Variants in SLC30A8 observed in about 807,000 individuals in gnomAD.
The protein encoded by SLC30A8 is solute carrier family 30 member 8.
Under a neutral mutation model 36.9 loss-of-function variants are expected in SLC30A8, and 27 were observed. That is an observed-to-expected ratio of 0.73 (90% CI 0.54 to 1.01). The LOEUF (loss-of-function observed/expected upper bound fraction) is 1.01, where lower values mean the gene tolerates loss of function less well. Ranked by LOEUF, SLC30A8 falls within the 50% of genes least tolerant of loss-of-function variation. The probability of loss-of-function intolerance (pLI) is 0.00; values close to 1 mark genes in which losing one functional copy is unlikely to be tolerated. For missense variants in SLC30A8, 439 were observed against 452.0 expected (o/e 0.97, Z 0.26); for synonymous variants, 164 against 172.4 (o/e 0.95, Z 0.38).
chr8:117,152,551 A>C (rs1400852346), intron 2 of SLC30A8, among the ~76,000 whole-genome samples: 1 of 152,194 alleles, frequency 6.6e-6, no homozygotes, highest in Non-Finnish European at 1.5e-5. Flanking sequence ...CGCAACATCT[A>C]GTTTATAAAC....
rs28374146 is a variant in SLC30A8, at chr8:117,014,558, G to A, written c.-265-24661G>A. Among the ~76,000 whole-genome samples the A allele has an allele frequency of 6.0e-3, 918 of 152,194 alleles. 10 individuals are homozygous for A. The highest frequency in any genetic ancestry group is 0.021 in the African/African-American group (880 of 41,522). ...AGGATGGTCTTTTTAGGTCCCTTTT[G>A]GACTTAAGGTAAATCAAGTGTGTGA... is the stretch of plus-strand genomic sequence containing the variant. On this transcript the variant is annotated intron_variant, in intron 1 of 10. Coordinates refer to the SLC30A8 transcript ENST00000427715.
intron 1 of SLC30A8, among the ~76,000 whole-genome samples, chr8:117,018,740 C>T (rs1394231408): frequency 1.4e-5 from 2 of 138,232 alleles, no homozygotes; most frequent in Non-Finnish European, 3.1e-5. Context: ...AATGTTGGCT[C>T]ACTGCAACCT....
intron 1 of SLC30A8, among the ~76,000 whole-genome samples, chr8:117,029,198 G>A (rs1444773975): frequency 6.6e-6 from 1 of 152,080 alleles, no homozygotes; most frequent in Non-Finnish European, 1.5e-5. Flanking sequence ...TCATTCACAG[G>A]TAGTATCAGT....
intron 2 of SLC30A8, among the ~76,000 whole-genome samples, chr8:117,058,719 G>A (rs147643814): frequency 6.6e-6 from 1 of 152,120 alleles, no homozygotes; most frequent in East Asian, 1.9e-4. Context: ...GGCTTAAATG[G>A]CTGGAAAAAT....
intron 2 of SLC30A8, among the ~76,000 whole-genome samples, chr8:117,104,742 C>T (rs1315483549): frequency 6.6e-6 from 1 of 152,102 alleles, no homozygotes; most frequent in Non-Finnish European, 1.5e-5. Flanking sequence ...TAAAAAATGG[C>T]TACTCCATTG....
chr8:117,048,244 T>A (rs1817612155), intron 2 of SLC30A8, among the ~76,000 whole-genome samples: 1 of 152,176 alleles, frequency 6.6e-6, no homozygotes, highest in African/African-American at 2.4e-5. Flanking sequence ...CCAAGGATGG[T>A]CATATGGCAT....
chr8:117,089,997 C>A (rs953957371), intron 2 of SLC30A8, among the ~76,000 whole-genome samples: 2 of 151,804 alleles, frequency 1.3e-5, no homozygotes, highest in Non-Finnish European at 2.9e-5. Context: ...TTTTTAGACA[C>A]ATTCTCACTC....
At chr8:117,043,625 C>T (rs1817457680) in intron 2 of SLC30A8, among the ~76,000 whole-genome samples, 1 of 152,208 alleles carries the variant, frequency 6.6e-6, no homozygotes, top group South Asian at 2.1e-4. Context: ...TGACACCAGA[C>T]ACTTTTCCCC....
intron 2 of SLC30A8, among the ~76,000 whole-genome samples, chr8:117,099,086 G>T (rs980876108): frequency 3.9e-5 from 6 of 152,218 alleles, no homozygotes; most frequent in African/African-American, 1.4e-4. Flanking sequence ...CATGCTAGAA[G>T]TAGGAGCAGC....
At chr8:117,146,606 T>C (rs1158468901) in intron 1 of SLC30A8, among the ~76,000 whole-genome samples, 1 of 152,004 alleles carries the variant, frequency 6.6e-6, no homozygotes. Flanking sequence ...TATTTTTTTG[T>C]AGCACAGTGT....
intron 2 of SLC30A8, among the ~76,000 whole-genome samples, chr8:117,120,031 A>G (rs1009261163): frequency 6.6e-6 from 1 of 151,934 alleles, no homozygotes; most frequent in African/African-American, 2.4e-5. Context: ...ATATTGTTCA[A>G]ATGTGCACAC....
chr8:117,091,545 T>G (rs1165765281), intron 2 of SLC30A8, among the ~76,000 whole-genome samples: 1 of 152,180 alleles, frequency 6.6e-6, no homozygotes, highest in Admixed American at 6.5e-5. Context: ...AAATAATATT[T>G]GTTGAATTGA....
chr8:117,119,537 C>T (rs1307247304), intron 2 of SLC30A8, among the ~76,000 whole-genome samples: 1 of 151,862 alleles, frequency 6.6e-6, no homozygotes, highest in Non-Finnish European at 1.5e-5. Context: ...CGTGATCACC[C>T]CTTCAGTCAC....
chr8:117,154,446 A>C (rs985064708), intron 3 of SLC30A8, among the ~76,000 whole-genome samples: 2 of 152,234 alleles, frequency 1.3e-5, no homozygotes, highest in African/African-American at 2.4e-5. Flanking sequence ...GCCTTCACTG[A>C]AAGGGCTGCT....
intron 1 of SLC30A8, among the ~76,000 whole-genome samples, chr8:116,955,322 T>C (rs903756710): frequency 2.6e-5 from 4 of 152,062 alleles, no homozygotes; most frequent in African/African-American, 9.7e-5. Context: ...AGAGAAACAG[T>C]GACACGGATG....
chr8:117,036,112 C>A (rs533719282), intron 1 of SLC30A8, among the ~76,000 whole-genome samples: 1 of 152,206 alleles, frequency 6.6e-6, no homozygotes, highest in African/African-American at 2.4e-5. Context: ...TTTGAATTCC[C>A]CCCCCCAGAA....
At chr8:117,035,349 G>C (rs1489497824) in intron 1 of SLC30A8, among the ~76,000 whole-genome samples, 1 of 152,166 alleles carries the variant, frequency 6.6e-6, no homozygotes, top group Non-Finnish European at 1.5e-5. Flanking sequence ...CAAAACAAAG[G>C]GGCTGTAGGC....
At chr8:117,153,426 G>C (rs1363877831) in intron 3 of SLC30A8, among the ~76,000 whole-genome samples, 1 of 152,102 alleles carries the variant, frequency 6.6e-6, no homozygotes, top group Non-Finnish European at 1.5e-5. Context: ...TAGGAGTAAA[G>C]CTTCTGCCAT....
At chr8:116,968,208 G>A (rs1814665291) in intron 1 of SLC30A8, among the ~76,000 whole-genome samples, 1 of 151,962 alleles carries the variant, frequency 6.6e-6, no homozygotes, top group Admixed American at 6.6e-5. Context: ...CAGCTGTCCT[G>A]CAGCAACAAA....
Sources: allele counts gnomAD v4.1 joint callset (sites outside exome capture counted in the v4.1 genomes callset), GRCh38; gene constraint gnomAD v4.1.1; transcripts MANE v1.5; gene names NCBI Gene and HGNC (gene_info 2026-07-23, HGNC 2026-07-21).